Variants in PLEKHA3 observed in about 807,000 individuals in gnomAD.
The protein encoded by PLEKHA3 is pleckstrin homology domain containing A3.
In PLEKHA3, 19 loss-of-function variants were observed where a neutral mutation model predicts 39.2. The observed-to-expected ratio is 0.48, with a 90% CI of 0.34 to 0.71. PLEKHA3 has a LOEUF of 0.71. PLEKHA3 is among the 30% of genes least tolerant of loss of function. PLEKHA3 has a pLI of 0.01. For missense variants in PLEKHA3, 253 were observed against 359.5 expected, an observed-to-expected ratio of 0.70 and a Z score of 2.40; for synonymous variants, 97 against 118.6, an observed-to-expected ratio of 0.82 and a Z score of 1.18.
At position 178,513,511 on chromosome 2, in the gene PLEKHA3, A is replaced by G. The variant is rs1685717287; in HGVS notation, c.*9624A>G. ...AGCTAGAACGAGGCCATTTTCTTTC[A>G]AAAGACAGTCCTAGAGTTTCCAGTG... On this transcript the variant is annotated 3_prime_UTR_variant, in exon 8 of 8. Coordinates refer to ENST00000234453, the MANE Select transcript of PLEKHA3 (RefSeq NM_019091.4). 6.6e-6 allele frequency: 1 copy of G among 152,144 alleles called. No homozygotes were observed. Among genetic ancestry groups the G allele is most frequent in the Admixed American group, 6.5e-5 (1 of 15,272 alleles). 9.4% of individuals were successfully genotyped at this position (152,144 alleles called of 1,614,324 possible). A position where few individuals can be genotyped will look rare whatever the true frequency, so the allele number is the denominator to read the frequency against.
Position 178,503,873 on chromosome 2 carries a change from T to A in PLEKHA3, c.889T>A (p.Ser297Thr), listed in dbSNP as rs1685568336. Reference protein sequence around the residue: ...KQSESEDTLPSFSS With the variant: ...KQSESEDTLPTFSS ...ATCTGAATCAGAAGATACTCTTCCA[T>A]CCTTCTCTTCCTGAAGAAACTGAAG... is the stretch of plus-strand genomic sequence containing the variant. Residue 297 changes from serine (S) to threonine (T), a missense_variant, in exon 8 of 8, where the codon TCC (serine) becomes ACC (threonine). Physicochemically the swap from Ser to Thr is moderately conservative, Grantham distance 58. This residue lies in a region of PLEKHA3 where 127 missense variants were observed against 136.8 expected (regional missense o/e 0.93). Coordinates refer to ENST00000234453, the MANE Select transcript of PLEKHA3 (RefSeq NM_019091.4). 2 of 1,611,376 alleles carry A rather than the reference T, an allele frequency of 1.2e-6. No individual in the cohort carries two copies. The highest frequency in any genetic ancestry group is 1.7e-6 in the Non-Finnish European group (2 of 1,177,984).
Position 178,514,771 on chromosome 2 carries a change from C to A in PLEKHA3, c.*10884C>A, listed in dbSNP as rs921184679. 1 of 151,774 alleles carries A rather than the reference C, an allele frequency of 6.6e-6. No individual in the cohort carries two copies. The highest frequency in any genetic ancestry group is 6.6e-5 in the Admixed American group (1 of 15,246). 9.4% of individuals were successfully genotyped at this position (151,774 alleles called of 1,614,324 possible). On this transcript the variant is annotated 3_prime_UTR_variant, in exon 8 of 8. Transcript: ENST00000234453. ...TTAGTCACTTTTTGTGTTTTGATCA[C>A]CCTTAGTCATCACTGGAGAGAAGAG... is the stretch of plus-strand genomic sequence containing the variant.
In PLEKHA3 at chr2:178,494,871, C is replaced by T. The variant is rs565846097; in HGVS notation, c.451-625C>T. On this transcript the variant is annotated intron_variant, in intron 4 of 7. Coordinates refer to ENST00000234453, the MANE Select transcript of PLEKHA3 (RefSeq NM_019091.4). Reference sequence around the variant, plus strand: ...CTGTGCTTGGTTTTGAATCGGGAAACAAAAATCCCAGAAATTCCCTAGCCA... The same window carrying T: ...CTGTGCTTGGTTTTGAATCGGGAAATAAAAATCCCAGAAATTCCCTAGCCA... Among the ~76,000 whole-genome samples, 14 of 147,308 alleles carry T rather than the reference C, an allele frequency of 9.5e-5. No individual in the cohort carries two copies. The East Asian group carries it at 2.8e-3, about 30-fold the overall frequency.
chr2:178,481,048 G>A lies in PLEKHA3; in HGVS notation c.40+139G>A, dbSNP rs573458889. 6.5e-6 allele frequency: 5 copies of A among 764,258 alleles called. No homozygotes were observed. The South Asian group carries it at 2.9e-4, about 45-fold the overall frequency. The allele number at this position is 764,258 out of a possible 1,614,324, so 47.3% of individuals were successfully genotyped here. Reference sequence around the variant, plus strand: ...TCTACTCGATTCCAGGGCTTGTTGAGTCCTTCTGGCCTCTTCAGGGGAGGG... The same window carrying A: ...TCTACTCGATTCCAGGGCTTGTTGAATCCTTCTGGCCTCTTCAGGGGAGGG... On this transcript the variant is annotated intron_variant, in intron 1 of 7. Coordinates refer to ENST00000234453, the MANE Select transcript of PLEKHA3 (RefSeq NM_019091.4).
At chr2:178,501,235 T>A in intron 7 of PLEKHA3, 59 bp downstream of exon 7, 1 of 1,196,384 alleles carries the variant, frequency 8.4e-7, no homozygotes, top group South Asian at 1.3e-5. Context: ...ACTGTGGGGC[T>A]CTGTAATTTC....
At chr2:178,491,846 A>G (rs919939388) in intron 3 of PLEKHA3, among the ~76,000 whole-genome samples, 18 of 152,152 alleles carry the variant, frequency 1.2e-4, no homozygotes, top group South Asian at 4.1e-4. Flanking sequence ...GCATCATAGC[A>G]TGGCGGAGGA....
At chr2:178,499,865 T>C (rs1685501786) in intron 6 of PLEKHA3, among the ~76,000 whole-genome samples, 1 of 152,186 alleles carries the variant, frequency 6.6e-6, no homozygotes, top group African/African-American at 2.4e-5. Context: ...CGCATGACTG[T>C]ATATCAAGTG....
intron 1 of PLEKHA3, among the ~76,000 whole-genome samples, chr2:178,482,895 A>G (rs1685194332): frequency 6.6e-6 from 1 of 152,166 alleles, no homozygotes; most frequent in Non-Finnish European, 1.5e-5. Context: ...TGGTGTGCTG[A>G]TTATTAATTT....
At position 178,516,387 on chromosome 2, in the gene PLEKHA3, A is replaced by G. The variant is rs1266734416; in HGVS notation, c.*12500A>G. On this transcript the variant is annotated 3_prime_UTR_variant, in exon 8 of 8. Transcript: ENST00000234453. ...AAATTCCAAAAGGTGTATACTCTATATTTTTGTCATAAAAATTCTGCTTGT... is the reference window on the plus strand; with the variant it reads ...AAATTCCAAAAGGTGTATACTCTATGTTTTTGTCATAAAAATTCTGCTTGT... The G allele has an allele frequency of 6.6e-6, 1 of 152,080 alleles. No homozygotes were observed. The highest frequency in any genetic ancestry group is 2.4e-5 in the African/African-American group (1 of 41,414). 9.4% of individuals were successfully genotyped at this position (152,080 alleles called of 1,614,324 possible).
chr2:178,489,451 CTTTTTTTTT>C (rs71023445), intron 2 of PLEKHA3, among the ~76,000 whole-genome samples: 1 of 82,344 alleles, frequency 1.2e-5, no homozygotes, highest in Non-Finnish European at 2.2e-5. Flanking sequence ...TCTTTTCCTT[CTTTTTTTTT>C]TTTTTTTTTT....
chr2:178,480,531 A>C lies in PLEKHA3; in HGVS notation c.-339A>C. ...CCAGGGGGAAGGAAGGCAGGCGAGG[A>C]AGAGGCAGCGCCGGGGCGCCGGAGG... On this transcript the variant is annotated 5_prime_UTR_variant, in exon 1 of 8. Coordinates refer to ENST00000234453, the MANE Select transcript of PLEKHA3 (RefSeq NM_019091.4). The C allele has an allele frequency of 5.0e-6, 1 of 199,640 alleles. No homozygotes were observed. 12.4% of individuals were successfully genotyped at this position (199,640 alleles called of 1,614,324 possible).
At chr2:178,495,459 T>G (rs760293470) in intron 4 of PLEKHA3, 37 bp from the exon 5 acceptor site, 1 of 1,600,966 alleles carries the variant, frequency 6.2e-7, no homozygotes, top group Non-Finnish European at 8.5e-7. Flanking sequence ...CATGTAGTTG[T>G]ATGCAAATCT....
intron 1 of PLEKHA3, among the ~76,000 whole-genome samples, chr2:178,481,332 G>A (rs988835425): frequency 6.6e-6 from 1 of 151,946 alleles, no homozygotes; most frequent in African/African-American, 2.4e-5. Flanking sequence ...ATTCTTTTTT[G>A]TATTTCTTTT....
At chr2:178,487,326 G>T (rs1226417643) in intron 2 of PLEKHA3, among the ~76,000 whole-genome samples, 1 of 152,250 alleles carries the variant, frequency 6.6e-6, no homozygotes, top group Non-Finnish European at 1.5e-5. Flanking sequence ...GCTAAAACTG[G>T]ATTCTACAAG....
chr2:178,497,285 C>T (rs1281210731), intron 5 of PLEKHA3, among the ~76,000 whole-genome samples: 2 of 151,956 alleles, frequency 1.3e-5, no homozygotes, highest in Non-Finnish European at 2.9e-5. Context: ...GGCTGGAGTG[C>T]AGTGGCGCAA....
chr2:178,516,389 T>G lies in PLEKHA3; in HGVS notation c.*12502T>G, dbSNP rs1262675292. On this transcript the variant is annotated 3_prime_UTR_variant, in exon 8 of 8. Transcript: ENST00000234453. ...ATTCCAAAAGGTGTATACTCTATAT[T>G]TTTGTCATAAAAATTCTGCTTGTCG... 2 of 152,184 alleles carry G rather than the reference T, an allele frequency of 1.3e-5. No homozygotes were observed. The highest frequency in any genetic ancestry group is 2.9e-5 in the Non-Finnish European group (2 of 68,032). The allele number at this position is 152,184 out of a possible 1,614,324, so 9.4% of individuals were successfully genotyped here. A position where few individuals can be genotyped will look rare whatever the true frequency, so the allele number is the denominator to read the frequency against.
intron 4 of PLEKHA3, among the ~76,000 whole-genome samples, 163 bp from the exon 5 acceptor site, chr2:178,495,333 T>C (rs937410531): frequency 6.6e-6 from 1 of 152,230 alleles, no homozygotes; most frequent in Non-Finnish European, 1.5e-5. Flanking sequence ...TCTTTTTTCT[T>C]TTTTTGCCCC....
intron 6 of PLEKHA3, among the ~76,000 whole-genome samples, 198 bp from the exon 7 acceptor site, chr2:178,500,863 C>A (rs1685520021): frequency 6.6e-6 from 1 of 152,020 alleles, no homozygotes; most frequent in Admixed American, 6.6e-5. Flanking sequence ...AGCTCAGAAG[C>A]CATATTCTCC....
Position 178,510,975 on chromosome 2 carries a change from T to C in PLEKHA3, c.*7088T>C, listed in dbSNP as rs1685676119. The stretch of plus-strand genomic sequence containing the variant: ...AATGTTTTAAAACAAAATAATTGTG[T>C]TCTAGGTAGAAGCTACTCTGAGTTT... On this transcript the variant is annotated 3_prime_UTR_variant, in exon 8 of 8. Transcript: ENST00000234453. 6.6e-6 allele frequency: 1 copy of C among 152,214 alleles called. No homozygotes were observed. The highest frequency in any genetic ancestry group is 1.5e-5 in the Non-Finnish European group (1 of 68,034). The allele number at this position is 152,214 out of a possible 1,614,324, so 9.4% of individuals were successfully genotyped here. A position where few individuals can be genotyped will look rare whatever the true frequency, so the allele number is the denominator to read the frequency against.
Sources: allele counts gnomAD v4.1 joint callset (sites outside exome capture counted in the v4.1 genomes callset), GRCh38; gene constraint gnomAD v4.1.1; regional missense constraint gnomAD v4.1.1; transcripts MANE v1.5; gene names NCBI Gene and HGNC (gene_info 2026-07-23, HGNC 2026-07-21).